TDP1: variants seen among roughly 807,000 people sequenced by gnomAD.
TDP1 encodes tyrosyl-DNA phosphodiesterase 1.
In TDP1, 64 loss-of-function variants were observed where a neutral mutation model predicts 81.5. The observed-to-expected ratio is 0.79, with a 90% CI of 0.64 to 0.97. TDP1 has a LOEUF of 0.97. TDP1 is among the 50% of genes least tolerant of loss of function. The pLI, the probability that TDP1 is intolerant of heterozygous loss-of-function variation, is 0.00. For synonymous variants in TDP1, 256 were observed against 264.3 expected, an observed-to-expected ratio of 0.97 and a Z score of 0.30; for missense variants, 723 against 743.8, an observed-to-expected ratio of 0.97 and a Z score of 0.33.
At chr14:90,012,638 C>A (rs921044768) in intron 14 of TDP1, among the ~76,000 whole-genome samples, 8 of 152,148 alleles carry the variant, frequency 5.3e-5, no homozygotes, top group African/African-American at 1.9e-4. Context: ...TCATGGAGAA[C>A]CTCTGCTAGG....
intron 7 of TDP1, among the ~76,000 whole-genome samples, chr14:89,977,487 G>A (rs34507901): frequency 0.056 from 8,548 of 151,384 alleles, 515 homozygotes; most frequent in African/African-American, 0.15. Flanking sequence ...TAGTAGAGAT[G>A]GGGTTTCACC....
chr14:89,994,999 C>G (rs988712897), intron 14 of TDP1, among the ~76,000 whole-genome samples: 1 of 152,200 alleles, frequency 6.6e-6, no homozygotes, highest in South Asian at 2.1e-4. Flanking sequence ...TCAGTTTACT[C>G]ATTTAATATT....
intron 15 of TDP1, among the ~76,000 whole-genome samples, chr14:90,024,793 G>A (rs1886465474): frequency 6.6e-6 from 1 of 152,156 alleles, no homozygotes; most frequent in Non-Finnish European, 1.5e-5. Flanking sequence ...TGACAAGAAT[G>A]CAGTTTATCA....
intron 14 of TDP1, among the ~76,000 whole-genome samples, chr14:90,009,160 G>C (rs1032992960): frequency 4.6e-5 from 7 of 152,182 alleles, no homozygotes; most frequent in Non-Finnish European, 7.3e-5. Flanking sequence ...CTTCACTGAA[G>C]CTTTAACTAT....
intron 15 of TDP1, among the ~76,000 whole-genome samples, chr14:90,028,050 C>G (rs148427485): frequency 6.6e-6 from 1 of 152,326 alleles, no homozygotes; most frequent in Non-Finnish European, 1.5e-5. Context: ...TCCCCCAGCC[C>G]CACACAAACA....
At chr14:89,998,583 C>G (rs1399455757) in intron 14 of TDP1, among the ~76,000 whole-genome samples, 1 of 151,230 alleles carries the variant, frequency 6.6e-6, no homozygotes, top group Admixed American at 6.6e-5. Flanking sequence ...GAGTCCCCAC[C>G]CTCAAACACT....
intron 14 of TDP1, among the ~76,000 whole-genome samples, chr14:89,996,821 G>A (rs1264611730): frequency 6.6e-6 from 1 of 152,228 alleles, no homozygotes; most frequent in African/African-American, 2.4e-5. Flanking sequence ...CACTTCTGGT[G>A]CTTTACCTAC....
intron 14 of TDP1, among the ~76,000 whole-genome samples, chr14:90,008,927 T>G (rs1020965637): frequency 6.6e-6 from 1 of 152,216 alleles, no homozygotes; most frequent in Non-Finnish European, 1.5e-5. Context: ...CTGGCTGGTC[T>G]CAAGCCTCTG....
chr14:89,989,657 A>G lies in TDP1; in HGVS notation c.1318-60A>G, dbSNP rs553824597. ...ATTTTCATTTCCTTAAAAGCTGATT[A>G]TCATTCCTTTTCTTCAACATGGTAC... On this transcript the variant is annotated intron_variant, in intron 11 of 16. Coordinates refer to ENST00000335725, the MANE Select transcript of TDP1 (RefSeq NM_018319.4). The G allele has an allele frequency of 4.5e-6, 6 of 1,348,060 alleles. No homozygotes were observed. The Admixed American group carries it at 6.9e-5, about 15-fold the overall frequency. The allele number at this position is 1,348,060 out of a possible 1,614,324, so 83.5% of individuals were successfully genotyped here. A position where few individuals can be genotyped will look rare whatever the true frequency, so the allele number is the denominator to read the frequency against.
intron 14 of TDP1, among the ~76,000 whole-genome samples, chr14:90,006,227 T>C (rs1897671887): frequency 6.6e-6 from 1 of 152,212 alleles, no homozygotes; most frequent in African/African-American, 2.4e-5. Flanking sequence ...TTTGCTCTTA[T>C]CTGCTTGAAA....
intron 4 of TDP1, chr14:89,967,061 A>G: frequency 1.0e-6 from 1 of 985,136 alleles, no homozygotes; most frequent in Non-Finnish European, 1.2e-6. Context: ...AATTAATCTC[A>G]GGGCCATTAG....
intron 13 of TDP1, 81 bp downstream of exon 13, chr14:89,992,064 TA>T (rs1164991695): frequency 4.3e-5 from 48 of 1,112,298 alleles, no homozygotes; most frequent in African/African-American, 1.9e-4. Context: ...TTTTTTTTTT[TA>T]AAAGGAACTT....
Position 89,963,187 on chromosome 14 carries a change from C to G in TDP1, c.73C>G (p.Pro25Ala). Residue 25 changes from proline to alanine, a missense_variant, in exon 3 of 17, where the codon CCA (proline) becomes GCA (alanine). Transcript: ENST00000335725. ...SDESEEEKPKPDKPSTSSLLC... is the reference protein window; with the variant it reads ...SDESEEEKPKADKPSTSSLLC... Reference sequence around the variant, plus strand: ...TGAAAGTGAGGAAGAAAAGCCAAAACCAGACAAGCCATCTACCTCTTCTCT... The same window carrying G: ...TGAAAGTGAGGAAGAAAAGCCAAAAGCAGACAAGCCATCTACCTCTTCTCT... 6.2e-7 allele frequency: 1 copy of G among 1,614,110 alleles called. No homozygotes were observed. Among genetic ancestry groups the G allele is most frequent in the Non-Finnish European group, 8.5e-7 (1 of 1,180,020 alleles).
At chr14:90,006,218 T>G (rs999436856) in intron 14 of TDP1, among the ~76,000 whole-genome samples, 1 of 152,184 alleles carries the variant, frequency 6.6e-6, no homozygotes, top group African/African-American at 2.4e-5. Flanking sequence ...CTTTAGTGTT[T>G]TGCTCTTATC....
At chr14:90,001,303 G>A (rs1389704772) in intron 14 of TDP1, among the ~76,000 whole-genome samples, 1 of 151,980 alleles carries the variant, frequency 6.6e-6, no homozygotes, top group Non-Finnish European at 1.5e-5. Flanking sequence ...TTCATTATGT[G>A]TTGTGATTGA....
intron 3 of TDP1, 42 bp from the exon 4 acceptor site, chr14:89,966,105 A>G (rs1892914829): frequency 1.5e-6 from 2 of 1,378,594 alleles, no homozygotes; most frequent in Non-Finnish European, 2.1e-6. Context: ...TGACTAGAGG[A>G]TTTTTGTGAG....
At chr14:90,036,175 AAAAT>A (rs1253699682) in intron 16 of TDP1, among the ~76,000 whole-genome samples, 1 of 152,106 alleles carries the variant, frequency 6.6e-6, no homozygotes, top group Admixed American at 6.5e-5. Context: ...AATTTTTTAA[AAAAT>A]AAAGATACAT....
chr14:90,026,569 T>C (rs1335051078), intron 15 of TDP1, among the ~76,000 whole-genome samples: 1 of 152,188 alleles, frequency 6.6e-6, no homozygotes, highest in African/African-American at 2.4e-5. Flanking sequence ...CATTAACTCA[T>C]CATTTACATT....
At chr14:90,036,044 T>C (rs75928328) in intron 16 of TDP1, among the ~76,000 whole-genome samples, 1 of 152,348 alleles carries the variant, frequency 6.6e-6, no homozygotes, top group African/African-American at 2.4e-5. Context: ...GAGAAATCTT[T>C]TATTTGGCCA....
Sources: allele counts gnomAD v4.1 joint callset (sites outside exome capture counted in the v4.1 genomes callset), GRCh38; gene constraint gnomAD v4.1.1; transcripts MANE v1.5; gene names NCBI Gene and HGNC (gene_info 2026-07-23, HGNC 2026-07-21).